The following TAMM41 variants were observed in gnomAD, a reference collection of about 807,000 sequenced individuals.
TAMM41 encodes TAM41 mitochondrial translocator assembly and maintenance homolog, also known as phosphatidate cytidylyltransferase, mitochondrial.
TAMM41 carries 36 observed loss-of-function variants against 44.1 expected under a neutral mutation model. The ratio of observed to expected loss-of-function variants is 0.82; its 90% CI spans 0.63 to 1.08. The LOEUF (loss-of-function observed/expected upper bound fraction) is 1.08, where lower values mean the gene tolerates loss of function less well. Ranked by LOEUF, TAMM41 falls within the 50% of genes least tolerant of loss-of-function variation. The probability of loss-of-function intolerance (pLI) is 0.00; values close to 1 mark genes in which losing one functional copy is unlikely to be tolerated. For missense variants in TAMM41, 417 were observed against 404.3 expected, an observed-to-expected ratio of 1.03 and a Z score of -0.27; for synonymous variants, 164 against 153.1, an observed-to-expected ratio of 1.07 and a Z score of -0.53.
downstream of TAMM41, among the ~76,000 whole-genome samples, chr3:11,789,334 G>C (rs1376741263): frequency 1.3e-5 from 2 of 152,224 alleles, no homozygotes; most frequent in African/African-American, 4.8e-5. Context: ...GTACAAGAGA[G>C]CCTACGGGTC....
intron 4 of TAMM41, among the ~76,000 whole-genome samples, chr3:11,820,192 C>A (rs1203106597): frequency 1.3e-5 from 2 of 152,136 alleles, no homozygotes; most frequent in Non-Finnish European, 2.9e-5. Context: ...AAAATGGATT[C>A]CATTAATCTT....
At chr3:11,741,111 C>T in the TAMM41 span, among the ~76,000 whole-genome samples, 8 of 140,538 alleles carry the variant, frequency 5.7e-5, no homozygotes, top group Non-Finnish European at 1.0e-4. Flanking sequence ...CTCAGCTACT[C>T]GGGAGGCTGA....
intron 7 of TAMM41, chr3:11,807,361 G>A (rs573095716): frequency 3.4e-6 from 5 of 1,486,214 alleles, no homozygotes; most frequent in Non-Finnish European, 1.8e-6. Flanking sequence ...ATAGAGAGAA[G>A]TCAATAGATG....
intron 7 of TAMM41, among the ~76,000 whole-genome samples, chr3:11,802,434 A>G (rs4605523): frequency 0.42 from 63,893 of 152,050 alleles, 13,667 homozygotes; most frequent in Admixed American, 0.5. Flanking sequence ...CTAGATGTCC[A>G]CAAACTAGAA....
intron 7 of TAMM41, 126 bp from the exon 8 acceptor site, chr3:11,790,707 G>A (rs2077459093): frequency 1.4e-6 from 1 of 732,828 alleles, no homozygotes; most frequent in Non-Finnish European, 2.3e-6. Context: ...CGTGGCTCTA[G>A]GAGACCAGGG....
the TAMM41 span, among the ~76,000 whole-genome samples, chr3:11,756,631 C>T: frequency 1.3e-5 from 2 of 151,900 alleles, no homozygotes; most frequent in Admixed American, 6.6e-5. Context: ...TTTGGGAGGC[C>T]GAGGCGGGCA....
At chr3:11,756,329 G>A in the TAMM41 span, among the ~76,000 whole-genome samples, 4 of 152,252 alleles carry the variant, frequency 2.6e-5, no homozygotes, top group Non-Finnish European at 1.5e-5. Context: ...CTTTTCTCAT[G>A]CATTGGAACT....
At chr3:11,765,827 G>T in the TAMM41 span, among the ~76,000 whole-genome samples, 15 of 151,612 alleles carry the variant, frequency 9.9e-5, 2 homozygotes, top group African/African-American at 1.5e-4. Context: ...TCAGTCTCCC[G>T]AGTAGCTGGG....
the TAMM41 span, among the ~76,000 whole-genome samples, chr3:11,729,779 C>T: frequency 6.6e-6 from 1 of 151,168 alleles, no homozygotes; most frequent in African/African-American, 2.4e-5. Context: ...AAACTGGTCT[C>T]GAACTACTGA....
chr3:11,843,772 C>A, intron 2 of TAMM41: 1 of 444,744 alleles, frequency 2.2e-6, no homozygotes, highest in East Asian at 3.5e-5. Context: ...CCTCACACTG[C>A]AATGACAGTT....
In TAMM41 at chr3:11,809,573, T is replaced by A; in HGVS notation, c.818A>T (p.Glu273Val). Residue 273 changes from glutamate to valine, a missense_variant, in exon 6 of 8, where the codon GAA becomes GTA. Coordinates refer to ENST00000455809, the MANE Select transcript of TAMM41 (RefSeq NM_001284401.2). ...MDPPGKNRDV[E>V]ETLFQVAHDP... ...ATGAGCCACTTGGAATAAAGTTTCTTCCACATCTCTGTTTTTTCCAGGAGG... is the reference window on the plus strand; with the variant it reads ...ATGAGCCACTTGGAATAAAGTTTCTACCACATCTCTGTTTTTTCCAGGAGG... The A allele has an allele frequency of 1.2e-6, 2 of 1,614,172 alleles. No individual in the cohort carries two copies. The highest frequency in any genetic ancestry group is 1.7e-6 in the Non-Finnish European group (2 of 1,180,028).
chr3:11,833,257 GA>G, intron 3 of TAMM41: 1 of 905,548 alleles, frequency 1.1e-6, no homozygotes, highest in Non-Finnish European at 1.4e-6. Context: ...TGCCAGGGAG[GA>G]AAATCTTTAC....
chr3:11,782,979 G>A, the TAMM41 span, among the ~76,000 whole-genome samples: 1 of 152,228 alleles, frequency 6.6e-6, no homozygotes, highest in Admixed American at 6.5e-5. Context: ...GCAATGGAGA[G>A]CCTCAAAGGA....
At position 11,829,858 on chromosome 3, in the gene TAMM41, T is replaced by G; in HGVS notation, c.418A>C (p.Ile140Leu). ...IAGRLQKPVK[I>L]ISVNEDVTLR... The stretch of plus-strand genomic sequence containing the variant: ...GTGACATCCTCGTTCACTGAGATAA[T>G]TTTCACCTGAAAGAAGCAGAACATT... The change falls in exon 4 of 8, where the codon ATT becomes CTT. Residue 140 changes from isoleucine to leucine, a missense_variant. Ile to Leu is a conservative substitution (Grantham distance 5). Coordinates refer to ENST00000455809, the MANE Select transcript of TAMM41 (RefSeq NM_001284401.2). 1 of 1,613,984 alleles carries G rather than the reference T, an allele frequency of 6.2e-7. No individual in the cohort carries two copies. The highest frequency in any genetic ancestry group is 2.2e-5 in the East Asian group (1 of 44,888).
chr3:11,824,650 T>C (rs1435051065), intron 4 of TAMM41, among the ~76,000 whole-genome samples: 1 of 152,090 alleles, frequency 6.6e-6, no homozygotes, highest in African/African-American at 2.4e-5. Context: ...AGGACTCAGG[T>C]TCACTATATT....
chr3:11,754,288 T>C, the TAMM41 span, among the ~76,000 whole-genome samples: 1 of 152,152 alleles, frequency 6.6e-6, no homozygotes, highest in Non-Finnish European at 1.5e-5. Context: ...CCCAGGCATC[T>C]AATCTAGAAA....
At chr3:11,803,436 A>C (rs1430847872) in intron 7 of TAMM41, among the ~76,000 whole-genome samples, 1 of 152,194 alleles carries the variant, frequency 6.6e-6, no homozygotes, top group Non-Finnish European at 1.5e-5. Flanking sequence ...GCAGATGTGG[A>C]GAAAAGGGAA....
intron 2 of TAMM41, among the ~76,000 whole-genome samples, chr3:11,841,040 C>T (rs1477050936): frequency 6.8e-5 from 10 of 146,256 alleles, no homozygotes; most frequent in Non-Finnish European, 1.5e-4. Flanking sequence ...TTTATTCATG[C>T]TAAAAAAAGA....
chr3:11,781,040 T>C, the TAMM41 span, among the ~76,000 whole-genome samples: 1 of 152,178 alleles, frequency 6.6e-6, no homozygotes, highest in Non-Finnish European at 1.5e-5. Flanking sequence ...CAACCAACAC[T>C]GTCTGGGAAC....
Sources: gnomAD v4.1 joint callset for allele counts (sites outside exome capture counted in the v4.1 genomes callset) on GRCh38, gnomAD v4.1.1 for gene constraint, MANE v1.5 for transcripts, NCBI Gene and HGNC (gene_info 2026-07-23, HGNC 2026-07-21) for gene names.